PRG4: variants seen among roughly 807,000 people sequenced by gnomAD.
The protein encoded by PRG4 is proteoglycan 4, also known as articular superficial zone protein.
PRG4 carries 61 observed loss-of-function variants against 91.2 expected under a neutral mutation model. The ratio of observed to expected loss-of-function variants is 0.67; its 90% CI spans 0.54 to 0.83. The LOEUF is 0.83. Among genes scored for constraint, PRG4 ranks in the 40% least tolerant of loss-of-function variants. The pLI, the probability that PRG4 is intolerant of heterozygous loss-of-function variation, is 0.00. For missense variants in PRG4, 1,564 were observed against 1,714.2 expected (o/e 0.91, Z 1.55); for synonymous variants, 576 against 614.2 (o/e 0.94, Z 0.92).
rs1402124510 is a variant in PRG4, at chr1:186,309,803, T to C, written c.3432T>C (p.Asn1144=). ...TGTTAATTTGTTTAGATGAGACCAA[T>C]ATATGCAATGGTAAGCCAGTAGATG... ...IINPMLSDET[N]ICNGKPVDGL... is the part of the protein sequence containing the mutation. The change falls in exon 8 of 13, where the codon AAT becomes AAC. Residue 1144 remains asparagine (N), a synonymous_variant. Coordinates refer to ENST00000445192, the MANE Select transcript of PRG4 (RefSeq NM_005807.6). The C allele has an allele frequency of 5.6e-6, 9 of 1,612,532 alleles. No homozygotes were observed. The highest frequency in any genetic ancestry group is 7.6e-6 in the Non-Finnish European group (9 of 1,178,724).
chr1:186,307,656 A>C lies in PRG4; in HGVS notation c.1937A>C (p.Glu646Ala). The C allele has an allele frequency of 1.3e-6, 2 of 1,575,324 alleles. No homozygotes were observed. The highest frequency in any genetic ancestry group is 8.6e-7 in the Non-Finnish European group (1 of 1,168,124). The part of the protein sequence containing the change: ...TPEKPAPTTP[E>A]ELAPTTPEEP... ...GAGAAGCCCGCACCCACCACCCCTG[A>C]GGAGCTCGCACCCACCACCCCTGAG... is the stretch of plus-strand genomic sequence containing the variant. The change falls in exon 7 of 13, where the codon GAG (glutamate) becomes GCG (alanine). Residue 646 changes from glutamate (E) to alanine (A), a missense_variant. By Grantham distance (107) the Glu-to-Ala change is moderately radical (BLOSUM62 -1). Coordinates refer to ENST00000445192, the MANE Select transcript of PRG4 (RefSeq NM_005807.6).
At position 186,314,117 on chromosome 1, in the gene PRG4, T is replaced by A; in HGVS notation, c.*339T>A. ...ACCCTAGTTCATTATAAAAAATATC[T>A]AGGCATTGTGGATATAAAACTGTTG... On this transcript the variant is annotated 3_prime_UTR_variant, in exon 13 of 13. Transcript: ENST00000445192. The A allele has an allele frequency of 8.2e-7, 1 of 1,226,700 alleles. No individual in the cohort carries two copies. The highest frequency in any genetic ancestry group is 1.2e-6 in the Non-Finnish European group (1 of 865,348). The allele number at this position is 1,226,700 out of a possible 1,614,324, so 76.0% of individuals were successfully genotyped here.
chr1:186,308,043 C>T lies in PRG4; in HGVS notation c.2324C>T (p.Pro775Leu), dbSNP rs934748644. The T allele has an allele frequency of 3.1e-6, 5 of 1,609,206 alleles. No individual in the cohort carries two copies. In the African/African-American group the frequency reaches 5.4e-5, roughly 17 times the overall value. ...CCAACTACCCCTAAGGAGCCTGCTC[C>T]AACTACCCCTAAGGGGACTGCTCCA... ...PAPTTPKEPA[P>L]TTPKGTAPTT... Residue 775 changes from proline (P) to leucine (L), a missense_variant, in exon 7 of 13, where the codon CCA becomes CTA. Transcript: ENST00000445192.
At chr1:186,302,400 G>C (rs572239121) in intron 4 of PRG4, among the ~76,000 whole-genome samples, 1 of 152,148 alleles carries the variant, frequency 6.6e-6, no homozygotes, top group Admixed American at 6.5e-5. Context: ...TACAGAAAAA[G>C]ATTTTAAAAA....
chr1:186,302,767 T>C (rs944765995), intron 4 of PRG4, among the ~76,000 whole-genome samples: 2 of 152,310 alleles, frequency 1.3e-5, no homozygotes, highest in East Asian at 3.9e-4. Context: ...ATTACCCTAA[T>C]TGTTTTGGCT....
chr1:186,306,226 CACA>C, intron 6 of PRG4, 89 bp from the exon 7 acceptor site: 2 of 1,073,858 alleles, frequency 1.9e-6, no homozygotes, highest in Non-Finnish European at 2.7e-6. Flanking sequence ...CTTAGAAACA[CACA>C]ACTAGTCAAT....
Position 186,308,069 on chromosome 1 carries a change from A to AC in PRG4, c.2351dup (p.Thr785TyrfsTer32), listed in dbSNP as rs1339808811. The AC allele has an allele frequency of 1.2e-6, 2 of 1,609,940 alleles. No homozygotes were observed. Among genetic ancestry groups the AC allele is most frequent in the African/African-American group, 2.7e-5 (2 of 74,148 alleles). The stretch of plus-strand genomic sequence containing the variant: ...AACTACCCCTAAGGGGACTGCTCCA[A>AC]CTACCCTCAAGGAACCTGCACCCAC... On this transcript the variant is annotated frameshift_variant, in exon 7 of 13. Transcript: ENST00000445192. LOFTEE classifies it high-confidence loss of function.
Position 186,307,212 on chromosome 1 carries a change from C to G in PRG4, c.1493C>G (p.Pro498Arg). 1 of 1,587,010 alleles carries G rather than the reference C, an allele frequency of 6.3e-7. No homozygotes were observed. Among genetic ancestry groups the G allele is most frequent in the Non-Finnish European group, 8.5e-7 (1 of 1,169,952 alleles). Residue 498 changes from proline to arginine, a missense_variant, in exon 7 of 13, where the codon CCT becomes CGT. Physicochemically the swap from Pro to Arg is moderately radical, Grantham distance 103. Around this residue, in one of 3 missense-constraint regions of PRG4, gnomAD observed 1,079 missense variants for 1,162.2 expected, o/e 0.93. Coordinates refer to ENST00000445192, the MANE Select transcript of PRG4 (RefSeq NM_005807.6). ...CCTGCCCCAACTACCCCCAAGGAGC[C>G]TGCACCCACCACTCCCAAGGAGCCT... ...KKPAPTTPKEPAPTTPKEPAP... is the reference protein window; with the variant it reads ...KKPAPTTPKERAPTTPKEPAP...
In PRG4 at chr1:186,306,795, C is replaced by T. The variant is rs1332460417; in HGVS notation, c.1076C>T (p.Ala359Val). ...ACGCCCACCACTCCCAAGGAGCCTG[C>T]ATCTACCACACCCAAAGAGCCCACA... is the stretch of plus-strand genomic sequence containing the variant. ...EPTPTTPKEP[A>V]STTPKEPTPT... is the part of the protein sequence containing the mutation. The change falls in exon 7 of 13, where the codon GCA (alanine) becomes GTA (valine). Residue 359 changes from alanine (A) to valine (V), a missense_variant. This residue lies in a region of PRG4 where 437 missense variants were observed against 459.0 expected (regional missense o/e 0.95). Transcript: ENST00000445192. The T allele has an allele frequency of 1.2e-6, 2 of 1,612,664 alleles. No individual in the cohort carries two copies. Among genetic ancestry groups the T allele is most frequent in the African/African-American group, 2.7e-5 (2 of 74,536 alleles).
intron 2 of PRG4, among the ~76,000 whole-genome samples, chr1:186,298,803 G>A (rs78979105): frequency 0.07 from 10,665 of 152,128 alleles, 1,229 homozygotes; most frequent in African/African-American, 0.24. Flanking sequence ...CTATAAAAGA[G>A]CAATCTCTTG....
chr1:186,310,514 CCT>C (rs1246759953), intron 8 of PRG4, among the ~76,000 whole-genome samples: 1 of 152,008 alleles, frequency 6.6e-6, no homozygotes, highest in African/African-American at 2.4e-5. Flanking sequence ...ACCGGATCTC[CCT>C]CTGTCACCCA....
At position 186,308,455 on chromosome 1, in the gene PRG4, T is replaced by C; in HGVS notation, c.2736T>C (p.Thr912=). ...CTGCAGCGACTAAACCTGAAATGACTACAACAGCTAAAGACAAGACAACAG... is the reference window on the plus strand; with the variant it reads ...CTGCAGCGACTAAACCTGAAATGACCACAACAGCTAAAGACAAGACAACAG... ...KTPAATKPEM[T]TTAKDKTTER... Residue 912 remains threonine, a synonymous_variant, in exon 7 of 13, where the codon ACT becomes ACC. Coordinates refer to ENST00000445192, the MANE Select transcript of PRG4 (RefSeq NM_005807.6). The C allele has an allele frequency of 6.2e-7, 1 of 1,613,762 alleles. No homozygotes were observed. Among genetic ancestry groups the C allele is most frequent in the Non-Finnish European group, 8.5e-7 (1 of 1,179,988 alleles).
At chr1:186,297,644 G>T (rs1347940864) in intron 2 of PRG4, among the ~76,000 whole-genome samples, 1 of 152,264 alleles carries the variant, frequency 6.6e-6, no homozygotes, top group Non-Finnish European at 1.5e-5. Flanking sequence ...ATGCCATCTA[G>T]GGGGATTAAT....
intron 1 of PRG4, 63 bp from the exon 2 acceptor site, chr1:186,296,783 T>A: frequency 1.2e-6 from 1 of 859,462 alleles, no homozygotes. Context: ...ATGTGTATAA[T>A]GCAAGCCTAA....
At position 186,314,120 on chromosome 1, in the gene PRG4, G is replaced by A; in HGVS notation, c.*342G>A. The A allele has an allele frequency of 8.5e-7, 1 of 1,181,702 alleles. No homozygotes were observed. Among genetic ancestry groups the A allele is most frequent in the Non-Finnish European group, 1.2e-6 (1 of 827,740 alleles). The allele number at this position is 1,181,702 out of a possible 1,614,324, so 73.2% of individuals were successfully genotyped here. On this transcript the variant is annotated 3_prime_UTR_variant, in exon 13 of 13. Transcript: ENST00000445192. ...CTAGTTCATTATAAAAAATATCTAGGCATTGTGGATATAAAACTGTTGGGT... is the reference window on the plus strand; with the variant it reads ...CTAGTTCATTATAAAAAATATCTAGACATTGTGGATATAAAACTGTTGGGT...
chr1:186,300,739 T>C (rs1222842243), intron 3 of PRG4, among the ~76,000 whole-genome samples: 1 of 152,206 alleles, frequency 6.6e-6, no homozygotes, highest in Non-Finnish European at 1.5e-5. Flanking sequence ...TAATGATGAA[T>C]TTCAGTTAAA....
Position 186,301,350 on chromosome 1 carries a change from T to C in PRG4, c.200-242T>C, listed in dbSNP as rs1383528500. Reference sequence around the variant, plus strand: ...ATAACTCGGGCAGCATCAGGATGTCTCTTGGAGTCTGGAAGGGCAAGAGGA... The same window carrying C: ...ATAACTCGGGCAGCATCAGGATGTCCCTTGGAGTCTGGAAGGGCAAGAGGA... On this transcript the variant is annotated intron_variant, in intron 3 of 12. Coordinates refer to ENST00000445192, the MANE Select transcript of PRG4 (RefSeq NM_005807.6). Among the ~76,000 whole-genome samples the C allele has an allele frequency of 2.0e-5, 3 of 152,186 alleles. No individual in the cohort carries two copies. In the East Asian group the frequency reaches 5.8e-4, roughly 29 times the overall value.
intron 3 of PRG4, 119 bp from the exon 4 acceptor site, chr1:186,301,473 A>G: frequency 7.0e-7 from 1 of 1,421,170 alleles, no homozygotes; most frequent in South Asian, 1.2e-5. Flanking sequence ...ATTTCAAATA[A>G]AAGACTTAGA....
At chr1:186,304,954 T>A in intron 6 of PRG4, 32 bp downstream of exon 6, 2 of 1,602,414 alleles carry the variant, frequency 1.2e-6, no homozygotes, top group East Asian at 4.5e-5. Context: ...AAAGACTGTA[T>A]CAATGCCATA....
Sources: gnomAD v4.1 joint callset for allele counts (sites outside exome capture counted in the v4.1 genomes callset) on GRCh38, gnomAD v4.1.1 for gene constraint, gnomAD v4.1.1 regional missense constraint, MANE v1.5 for transcripts, NCBI Gene and HGNC (gene_info 2026-07-23, HGNC 2026-07-21) for gene names.